SETD1B: variants seen among roughly 807,000 people sequenced by gnomAD.
The protein encoded by SETD1B is histone-lysine N-methyltransferase SETD1B.
In SETD1B, 7 loss-of-function variants were observed where a neutral mutation model predicts 148.0. The observed-to-expected ratio is 0.05, with a 90% CI of 0.03 to 0.09. SETD1B has a LOEUF of 0.09. Among genes scored for constraint, SETD1B ranks in the 10% least tolerant of loss-of-function variants. The pLI is 1.00. For synonymous variants in SETD1B, 1,361 were observed against 1,186.5 expected (o/e 1.15, Z -3.02); for missense variants, 2,155 against 2,729.9 (o/e 0.79, Z 4.69).
Position 121,810,428 on chromosome 12 carries a change from C to T in SETD1B, c.1483C>T (p.Pro495Ser). 6.5e-7 allele frequency: 1 copy of T among 1,549,246 alleles called. No homozygotes were observed. Among genetic ancestry groups the T allele is most frequent in the Non-Finnish European group, 8.7e-7 (1 of 1,146,974 alleles). ...LESSPAGPEKPHDSLDSRIEM... is the reference protein window; with the variant it reads ...LESSPAGPEKSHDSLDSRIEM... ...GTCGTCCCCTGCAGGGCCAGAGAAA[C>T]CCCACGACAGCCTGGACTCGCGCAT... Residue 495 changes from proline to serine, a missense_variant, in exon 6 of 17, where the codon CCC (proline) becomes TCC (serine). Around this residue, in one of 11 missense-constraint regions of SETD1B, gnomAD observed 376 missense variants for 385.0 expected, o/e 0.98. Transcript: ENST00000604567. This position sits in a 1 kb window ranked among gnomAD's most constrained non-coding sequence, Gnocchi z 7.6.
rs1877104809 is a variant in SETD1B, at chr12:121,831,733, A to T, written c.*1494A>T. The T allele has an allele frequency of 6.6e-6, 1 of 152,222 alleles. No homozygotes were observed. The allele number at this position is 152,222 out of a possible 1,614,324, so 9.4% of individuals were successfully genotyped here. A position where few individuals can be genotyped will look rare whatever the true frequency, so the allele number is the denominator to read the frequency against. ...GTTGTGACCCGGAGTCCTCATCAAG[A>T]TGAGCGCGCTCCATGAGGGAGCTGC... On this transcript the variant is annotated 3_prime_UTR_variant, in exon 17 of 17. Transcript: ENST00000604567.
rs1338080219 is a variant in SETD1B at position 121,810,841 on chromosome 12, A to G, written c.1890+6A>G. On this transcript the variant is annotated splice_donor_region_variant and intron_variant, in intron 6 of 16. Transcript: ENST00000604567. The surrounding 1 kb of genome is among the most constrained non-coding windows in gnomAD (Gnocchi z 7.6). Reference sequence around the variant, plus strand: ...CCTCAGAGAAGATGGATGAGGTACCACCGTGTCTGTCCATCTGTCTGGGAC... The same window carrying G: ...CCTCAGAGAAGATGGATGAGGTACCGCCGTGTCTGTCCATCTGTCTGGGAC... The G allele has an allele frequency of 1.2e-5, 18 of 1,488,094 alleles. No individual in the cohort carries two copies. The highest frequency in any genetic ancestry group is 1.5e-5 in the Non-Finnish European group (17 of 1,112,436). The allele number at this position is 1,488,094 out of a possible 1,614,324, so 92.2% of individuals were successfully genotyped here. A position where few individuals can be genotyped will look rare whatever the true frequency, so the allele number is the denominator to read the frequency against.
chr12:121,807,526 A>G (rs557014888), intron 4 of SETD1B, among the ~76,000 whole-genome samples: 1 of 152,256 alleles, frequency 6.6e-6, no homozygotes, highest in African/African-American at 2.4e-5. Flanking sequence ...TTTGTATTTC[A>G]AGAAAGAGAC....
chr12:121,793,668 G>A, the SETD1B span: 1 of 1,491,028 alleles, frequency 6.7e-7, no homozygotes. Flanking sequence ...GCGGCGCGCC[G>A]GGCACTAGCG....
the SETD1B span, chr12:121,793,040 G>T: frequency 2.1e-6 from 2 of 936,000 alleles, no homozygotes; most frequent in Non-Finnish European, 1.6e-6. Flanking sequence ...TGAAGAGCCG[G>T]CCAAGGCCCT....
the SETD1B span, among the ~76,000 whole-genome samples, chr12:121,796,634 A>G: frequency 6.6e-6 from 1 of 152,244 alleles, no homozygotes; most frequent in East Asian, 1.9e-4. Context: ...ACCCTGCCTG[A>G]GCAGTCCCCA....
At chr12:121,793,064 G>A in the SETD1B span, 2 of 1,146,268 alleles carry the variant, frequency 1.7e-6, no homozygotes, top group Non-Finnish European at 2.5e-6. Flanking sequence ...AAGGCTGCAG[G>A]GCGGGGACAC....
chr12:121,802,080 G>A (rs1187566954), upstream of SETD1B: 1 of 151,766 alleles, frequency 6.6e-6, no homozygotes, highest in Non-Finnish European at 1.5e-5. Context: ...GAGAAAAACA[G>A]GGCTGTTTTT....
At chr12:121,829,878 TA>T (rs1032996813) in intron 16 of SETD1B, among the ~76,000 whole-genome samples, 187 bp from the exon 17 acceptor site, 13 of 152,142 alleles carry the variant, frequency 8.5e-5, no homozygotes, top group African/African-American at 3.1e-4. Flanking sequence ...TTATCATCAT[TA>T]TTTAATATCA....
chr12:121,798,354 T>G, the SETD1B span, among the ~76,000 whole-genome samples: 1 of 152,198 alleles, frequency 6.6e-6, no homozygotes, highest in Non-Finnish European at 1.5e-5. Flanking sequence ...AGATTCCCCT[T>G]TGCCCTGAGG....
chr12:121,810,633 G>C lies in SETD1B; in HGVS notation c.1688G>C (p.Arg563Pro). The change falls in exon 6 of 17, where the codon CGC (arginine) becomes CCC (proline). Residue 563 changes from arginine (R) to proline (P), a missense_variant. Around this residue, in one of 11 missense-constraint regions of SETD1B, gnomAD observed 295 missense variants for 303.8 expected, o/e 0.97. Transcript: ENST00000604567. This position sits in a 1 kb window ranked among gnomAD's most constrained non-coding sequence, Gnocchi z 7.6. ...GFRGPTPPSSRPSSTGLEDIS... is the reference protein window; with the variant it reads ...GFRGPTPPSSPPSSTGLEDIS... ...CGGGGCCCCACGCCCCCCTCGTCAC[G>C]CCCCTCCAGCACCGGCCTGGAGGAT... is the stretch of plus-strand genomic sequence containing the variant. 6.5e-7 allele frequency: 1 copy of C among 1,548,290 alleles called. No homozygotes were observed. The highest frequency in any genetic ancestry group is 8.7e-7 in the Non-Finnish European group (1 of 1,146,400).
At chr12:121,814,971 G>A in intron 7 of SETD1B, 41 bp downstream of exon 7, 1 of 1,487,956 alleles carries the variant, frequency 6.7e-7, no homozygotes, top group African/African-American at 1.4e-5. Context: ...TGGCTGTGGA[G>A]GGGGGCAGGT....
chr12:121,817,088 C>T lies in SETD1B; in HGVS notation c.2771C>T (p.Pro924Leu), dbSNP rs1328499248. Residue 924 changes from proline to leucine, a missense_variant, in exon 8 of 17, where the codon CCC (proline) becomes CTC (leucine). By Grantham distance (98) the Pro-to-Leu change is moderately conservative. This residue lies in a region of SETD1B where 289 missense variants were observed against 423.7 expected (regional missense o/e 0.68). Transcript: ENST00000604567. This position sits in a 1 kb window ranked among gnomAD's most constrained non-coding sequence, Gnocchi z 8.1. The part of the protein sequence containing the change: ...GEHKDEDRPK[P>L]KDRIASCLLE... ...CACAAGGACGAGGACAGGCCGAAGC[C>T]CAAGGACCGCATCGCCTCGTGCCTG... The T allele has an allele frequency of 1.3e-6, 2 of 1,548,732 alleles. No homozygotes were observed. Among genetic ancestry groups the T allele is most frequent in the Admixed American group, 2.0e-5 (1 of 50,970 alleles).
the SETD1B span, among the ~76,000 whole-genome samples, chr12:121,791,102 G>A: frequency 6.6e-6 from 1 of 151,672 alleles, no homozygotes; most frequent in Non-Finnish European, 1.5e-5. Flanking sequence ...TTGAACTCCT[G>A]GCTTCAAGCA....
At chr12:121,816,430 A>T (rs1431229926) in intron 7 of SETD1B, among the ~76,000 whole-genome samples, 1 of 152,220 alleles carries the variant, frequency 6.6e-6, no homozygotes, top group Non-Finnish European at 1.5e-5. Context: ...GAAATCACTG[A>T]TACACAGCTC....
chr12:121,823,709 C>T lies in SETD1B; in HGVS notation c.5130C>T (p.Gly1710=). Residue 1710 remains glycine (G), a synonymous_variant, in exon 12 of 17, where the codon GGC becomes GGT. Coordinates refer to ENST00000604567, the MANE Select transcript of SETD1B (RefSeq NM_001353345.2). ...AGCGACTGCTACAGCAGGACAATGG[C>T]ATGGACTGGCTTAACGACACGCTCT... ...TYERLLQQDN[G]MDWLNDTLWV... 6.4e-7 allele frequency: 1 copy of T among 1,551,538 alleles called. No individual in the cohort carries two copies. Among genetic ancestry groups the T allele is most frequent in the Non-Finnish European group, 8.7e-7 (1 of 1,146,966 alleles).
Position 121,808,417 on chromosome 12 carries a change from T to A in SETD1B, c.657+97T>A. The A allele has an allele frequency of 1.4e-6, 1 of 716,752 alleles. No individual in the cohort carries two copies. Among genetic ancestry groups the A allele is most frequent in the Non-Finnish European group, 2.4e-6 (1 of 421,606 alleles). 44.4% of individuals were successfully genotyped at this position (716,752 alleles called of 1,614,324 possible). A position where few individuals can be genotyped will look rare whatever the true frequency, so the allele number is the denominator to read the frequency against. Reference sequence around the variant, plus strand: ...CAACTCTCTTATGGGACCCCCAGCCTACCCCCACCTCACTCCAGCTTTGGA... The same window carrying A: ...CAACTCTCTTATGGGACCCCCAGCCAACCCCCACCTCACTCCAGCTTTGGA... On this transcript the variant is annotated intron_variant, in intron 5 of 16. Coordinates refer to ENST00000604567, the MANE Select transcript of SETD1B (RefSeq NM_001353345.2). The surrounding 1 kb of genome is among the most constrained non-coding windows in gnomAD (Gnocchi z 5.3).
chr12:121,818,625 T>C (rs962976053), intron 10 of SETD1B, among the ~76,000 whole-genome samples: 2 of 151,934 alleles, frequency 1.3e-5, no homozygotes, highest in Admixed American at 1.3e-4. Context: ...GCGCAGTGGC[T>C]CACGCCTGTA....
Position 121,809,883 on chromosome 12 carries a change from A to G in SETD1B, c.938A>G (p.His313Arg). 3.2e-6 allele frequency: 5 copies of G among 1,550,736 alleles called. No homozygotes were observed. The highest frequency in any genetic ancestry group is 4.4e-6 in the Non-Finnish European group (5 of 1,146,876). The change falls in exon 6 of 17, where the codon CAC becomes CGC. Residue 313 changes from histidine to arginine, a missense_variant. By Grantham distance (29) the His-to-Arg change is conservative (BLOSUM62 0). Transcript: ENST00000604567. ...GCAGTGACCTTCAAGGCCCGGCGCC[A>G]CGAGAGCAAGTTCACGGACGCCTAC... ...DPAVTFKARR[H>R]ESKFTDAYNR...
Sources: allele counts gnomAD v4.1 joint callset (sites outside exome capture counted in the v4.1 genomes callset), GRCh38; gene constraint gnomAD v4.1.1; regional missense constraint gnomAD v4.1.1; non-coding constraint Gnocchi (gnomAD v3.1); transcripts MANE v1.5; gene names NCBI Gene and HGNC (gene_info 2026-07-23, HGNC 2026-07-21).